The following CTNNA3 variants were observed in gnomAD, a reference collection of about 807,000 sequenced individuals.
CTNNA3 encodes catenin alpha 3, also known as catenin alpha-3.
In CTNNA3, 76 loss-of-function variants were observed where a neutral mutation model predicts 95.7. The ratio of observed to expected loss-of-function variants is 0.79; its 90% CI spans 0.66 to 0.96. The LOEUF (loss-of-function observed/expected upper bound fraction) is 0.96, where lower values mean the gene tolerates loss of function less well. Ranked by LOEUF, CTNNA3 falls within the 40% of genes least tolerant of loss-of-function variation. CTNNA3 has a pLI of 0.00. For synonymous variants in CTNNA3, 431 were observed against 374.4 expected (o/e 1.15, Z -1.74); for missense variants, 1,191 against 1,089.8 (o/e 1.09, Z -1.31).
chr10:66,729,533 A>G (rs2132660686), intron 9 of CTNNA3, among the ~76,000 whole-genome samples: 1 of 152,378 alleles, frequency 6.6e-6, no homozygotes, highest in East Asian at 1.9e-4. Flanking sequence ...AAGTGAAGTA[A>G]CTCAGGAATG....
At chr10:66,472,670 C>G (rs925258796) in intron 11 of CTNNA3, among the ~76,000 whole-genome samples, 2 of 151,894 alleles carry the variant, frequency 1.3e-5, no homozygotes, top group South Asian at 2.1e-4. Context: ...TTAAAATTAA[C>G]TATAAAAACT....
intron 5 of CTNNA3, among the ~76,000 whole-genome samples, chr10:67,419,955 G>A (rs1328428570): frequency 1.3e-5 from 2 of 152,038 alleles, no homozygotes; most frequent in South Asian, 2.1e-4. Flanking sequence ...AAGTTCAAGG[G>A]ATTCTCCCAC....
chr10:67,676,913 A>AG (rs528675088), intron 1 of CTNNA3, among the ~76,000 whole-genome samples: 2 of 152,154 alleles, frequency 1.3e-5, no homozygotes, highest in African/African-American at 4.8e-5. Flanking sequence ...ATAGGCCACA[A>AG]GGGGGGTTCT....
At chr10:66,482,862 A>T (rs12246305) in intron 11 of CTNNA3, among the ~76,000 whole-genome samples, 9,409 of 152,172 alleles carry the variant, frequency 0.062, 608 homozygotes, top group African/African-American at 0.16. Context: ...AAGCTTTTGC[A>T]CCACTTTCCT....
At chr10:66,853,294 G>C in intron 7 of CTNNA3, among the ~76,000 whole-genome samples, 1 of 151,970 alleles carries the variant, frequency 6.6e-6, no homozygotes, top group East Asian at 1.9e-4. Context: ...CGGCCCGTTA[G>C]AGAAAAAGAA....
intron 11 of CTNNA3, among the ~76,000 whole-genome samples, chr10:66,485,095 TA>T (rs1839680155): frequency 6.6e-6 from 1 of 152,052 alleles, no homozygotes; most frequent in Non-Finnish European, 1.5e-5. Flanking sequence ...CAACATAATA[TA>T]GGCCATATAA....
At chr10:67,373,113 C>T (rs1263956750) in intron 5 of CTNNA3, among the ~76,000 whole-genome samples, 1 of 152,114 alleles carries the variant, frequency 6.6e-6, no homozygotes, top group Non-Finnish European at 1.5e-5. Context: ...CAGGATGATT[C>T]ACACATAACA....
chr10:66,265,963 G>A (rs1197651842), intron 13 of CTNNA3, among the ~76,000 whole-genome samples: 1 of 150,140 alleles, frequency 6.7e-6, no homozygotes, highest in East Asian at 2.0e-4. Context: ...CCCGTAGTAC[G>A]TACTCAATAA....
chr10:66,525,540 TGTGA>T (rs1456070696), intron 10 of CTNNA3, among the ~76,000 whole-genome samples: 4 of 152,246 alleles, frequency 2.6e-5, no homozygotes, highest in Non-Finnish European at 5.9e-5. Flanking sequence ...TTTATGATGC[TGTGA>T]GTAAGTGATG....
chr10:67,609,041 A>G (rs58813526), intron 2 of CTNNA3, among the ~76,000 whole-genome samples: 5,761 of 148,710 alleles, frequency 0.039, 112 homozygotes, highest in Middle Eastern at 0.075. Flanking sequence ...GGTGAGCCGA[A>G]ATCACGCCAT....
chr10:66,587,432 G>GGGT (rs1251398700), intron 10 of CTNNA3, among the ~76,000 whole-genome samples: 1 of 152,064 alleles, frequency 6.6e-6, no homozygotes, highest in Non-Finnish European at 1.5e-5. Flanking sequence ...GGTAGGTAAT[G>GGGT]GGTAGGGCCA....
chr10:66,252,715 G>A (rs7070731), intron 13 of CTNNA3, among the ~76,000 whole-genome samples: 10,662 of 152,240 alleles, frequency 0.07, 692 homozygotes, highest in African/African-American at 0.17. Context: ...AGCGGGTCTA[G>A]TGGAATGACA....
chr10:67,505,525 C>T (rs1004102346), intron 5 of CTNNA3, among the ~76,000 whole-genome samples: 1 of 152,158 alleles, frequency 6.6e-6, no homozygotes, highest in African/African-American at 2.4e-5. Context: ...TAAATACCAA[C>T]ATCAAAATGA....
chr10:67,755,686 C>T (rs1376553999), intron 1 of CTNNA3, among the ~76,000 whole-genome samples: 1 of 150,660 alleles, frequency 6.6e-6, no homozygotes, highest in East Asian at 2.0e-4. Flanking sequence ...CCTGTGATCC[C>T]AGTTATTCAT....
intron 7 of CTNNA3, among the ~76,000 whole-genome samples, chr10:67,077,221 C>A (rs919940190): frequency 2.6e-5 from 4 of 152,174 alleles, no homozygotes; most frequent in Non-Finnish European, 5.9e-5. Context: ...TGCACATGTT[C>A]GCTCTGGACC....
intron 1 of CTNNA3, among the ~76,000 whole-genome samples, chr10:67,720,163 T>G (rs1841171743): frequency 7.3e-6 from 1 of 136,136 alleles, no homozygotes; most frequent in Non-Finnish European, 1.6e-5. Flanking sequence ...GCTGTCCAAT[T>G]GCTTGGTAAA....
intron 11 of CTNNA3, among the ~76,000 whole-genome samples, chr10:66,495,627 G>T (rs1840073710): frequency 6.6e-6 from 1 of 151,712 alleles, no homozygotes; most frequent in South Asian, 2.1e-4. Flanking sequence ...AATACATACT[G>T]GAAGTCATTT....
At chr10:66,446,470 T>C (rs997071681) in intron 11 of CTNNA3, among the ~76,000 whole-genome samples, 1 of 151,612 alleles carries the variant, frequency 6.6e-6, no homozygotes, top group African/African-American at 2.4e-5. Context: ...AAAAAGTTTA[T>C]CCACCATGAT....
chr10:66,802,476 A>C (rs1841467676), intron 7 of CTNNA3, among the ~76,000 whole-genome samples: 1 of 151,816 alleles, frequency 6.6e-6, no homozygotes, highest in Admixed American at 6.6e-5. Flanking sequence ...TAAAATTAAA[A>C]AGACTGACCG....
Sources: allele counts gnomAD v4.1 joint callset (sites outside exome capture counted in the v4.1 genomes callset), GRCh38; gene constraint gnomAD v4.1.1; transcripts MANE v1.5; gene names NCBI Gene and HGNC (gene_info 2026-07-23, HGNC 2026-07-21).